The following ANKS6 variants were observed in gnomAD, a reference collection of about 807,000 sequenced individuals.
The protein encoded by ANKS6 is ankyrin repeat and SAM domain-containing protein 6.
In ANKS6, 47 loss-of-function variants were observed where a neutral mutation model predicts 77.9. The ratio of observed to expected loss-of-function variants is 0.60; its 90% CI spans 0.48 to 0.77. ANKS6 has a LOEUF of 0.77. Ranked by LOEUF, ANKS6 falls within the 30% of genes least tolerant of loss-of-function variation. The pLI is 0.00. For synonymous variants in ANKS6, 488 were observed against 501.7 expected (o/e 0.97, Z 0.37); for missense variants, 1,150 against 1,159.1 (o/e 0.99, Z 0.11).
intron 14 of ANKS6, among the ~76,000 whole-genome samples, chr9:98,741,614 A>G (rs756658703): frequency 2.6e-5 from 4 of 152,226 alleles, no homozygotes; most frequent in Non-Finnish European, 5.9e-5. Context: ...GGGCAACAAA[A>G]AGAAACAATG....
intron 14 of ANKS6, 69 bp downstream of exon 14, chr9:98,745,490 A>G (rs1832078170): frequency 6.9e-7 from 1 of 1,455,594 alleles, no homozygotes; most frequent in Admixed American, 1.7e-5. Flanking sequence ...GACCTTCCCA[A>G]GATCCCAGGA....
chr9:98,791,421 C>A lies in ANKS6; in HGVS notation c.360-815G>T, dbSNP rs1483396739. 6.6e-6 allele frequency among the ~76,000 whole-genome samples: 1 copy of A among 152,150 alleles called. No individual in the cohort carries two copies. The highest frequency in any genetic ancestry group is 1.5e-5 in the Non-Finnish European group (1 of 68,026). On this transcript the variant is annotated intron_variant, in intron 1 of 14. Transcript: ENST00000353234. This position sits in a 1 kb window ranked among gnomAD's most constrained non-coding sequence, Gnocchi z 4.3. Reference sequence around the variant, plus strand: ...CTTCCTCAATGAAGTCACTGCTGGGCCCCTGAAGAGAAAGATCTGCACCCA... The same window carrying A: ...CTTCCTCAATGAAGTCACTGCTGGGACCCTGAAGAGAAAGATCTGCACCCA...
In ANKS6 at chr9:98,790,576, C is replaced by T; in HGVS notation, c.390G>A (p.Leu130=). The T allele has an allele frequency of 6.2e-7, 1 of 1,607,250 alleles. No homozygotes were observed. ...RFGHVSVAHL[L]LDHGADVNAQ... ...CATTGACATCAGCCCCGTGATCCAA[C>T]AGGAGGTGTGCCACACTCACATGCC... Residue 130 remains leucine, a synonymous_variant, in exon 2 of 15, where the codon CTG becomes CTA. Transcript: ENST00000353234.
In ANKS6 at chr9:98,733,224, T is replaced by C. The variant is rs115467611; in HGVS notation, c.*3295A>G. On this transcript the variant is annotated 3_prime_UTR_variant, in exon 15 of 15. Coordinates refer to ENST00000353234, the MANE Select transcript of ANKS6 (RefSeq NM_173551.5). ...AACAAAAGAATTAAAAAATAAACAA[T>C]CTCCTCACAAAACCAGCTGGCCTCC... 1.8e-3 allele frequency: 1,777 copies of C among 985,272 alleles called. 29 individuals are homozygous for C. The African/African-American group carries it at 0.028, about 16-fold the overall frequency. The allele number at this position is 985,272 out of a possible 1,614,324, so 61.0% of individuals were successfully genotyped here. A position where few individuals can be genotyped will look rare whatever the true frequency, so the allele number is the denominator to read the frequency against.
In ANKS6 at chr9:98,790,600, C is replaced by G; in HGVS notation, c.366G>C (p.Gly122=). 1 of 1,595,640 alleles carries G rather than the reference C, an allele frequency of 6.3e-7. No homozygotes were observed. The highest frequency in any genetic ancestry group is 8.6e-7 in the Non-Finnish European group (1 of 1,165,298). The change falls in exon 2 of 15, where the codon GGG becomes GGC. Residue 122 remains glycine, a synonymous_variant. Transcript: ENST00000353234. ...ACAGGAGGTGTGCCACACTCACATG[C>G]CCAAATCTGCCAGGAAGATGGAGAA... is the stretch of plus-strand genomic sequence containing the variant. ...WSALMQAARF[G]HVSVAHLLLD...
In ANKS6 at chr9:98,734,681, C is replaced by T; in HGVS notation, c.*1838G>A. 1.1e-6 allele frequency: 1 copy of T among 931,304 alleles called. No individual in the cohort carries two copies. Among genetic ancestry groups the T allele is most frequent in the Non-Finnish European group, 1.3e-6 (1 of 780,704 alleles). 57.7% of individuals were successfully genotyped at this position (931,304 alleles called of 1,614,324 possible). On this transcript the variant is annotated 3_prime_UTR_variant, in exon 15 of 15. Transcript: ENST00000353234. ...TGGCAAGCTGCTTCCCTCTCCTAAGCATCCGTTTCCCGAATGTGCAAGATG... is the reference window on the plus strand; with the variant it reads ...TGGCAAGCTGCTTCCCTCTCCTAAGTATCCGTTTCCCGAATGTGCAAGATG...
intron 14 of ANKS6, among the ~76,000 whole-genome samples, chr9:98,737,193 C>T (rs527807395): frequency 6.6e-6 from 1 of 152,278 alleles, no homozygotes; most frequent in South Asian, 2.1e-4. Context: ...CAGAAAACAT[C>T]ATCACTGCAT....
In ANKS6 at chr9:98,735,361, T is replaced by C; in HGVS notation, c.*1158A>G. 9.4e-7 allele frequency: 1 copy of C among 1,062,042 alleles called. No homozygotes were observed. The highest frequency in any genetic ancestry group is 1.1e-6 in the Non-Finnish European group (1 of 881,104). 65.8% of individuals were successfully genotyped at this position (1,062,042 alleles called of 1,614,324 possible). The stretch of plus-strand genomic sequence containing the variant: ...CACACTTGGCACCTGGTAGCTAACA[T>C]AAATGCAACAAGCACTGGCTGAATG... On this transcript the variant is annotated 3_prime_UTR_variant, in exon 15 of 15. Transcript: ENST00000353234.
intron 12 of ANKS6, among the ~76,000 whole-genome samples, chr9:98,753,325 C>G (rs1039001899): frequency 6.6e-6 from 1 of 152,138 alleles, no homozygotes; most frequent in Non-Finnish European, 1.5e-5. Flanking sequence ...CAAAGACTTA[C>G]GTTGGAACTT....
intron 6 of ANKS6, among the ~76,000 whole-genome samples, chr9:98,779,951 C>T (rs1012749859): frequency 5.3e-5 from 8 of 152,078 alleles, no homozygotes; most frequent in Admixed American, 1.3e-4. Context: ...CGTGAGCCAC[C>T]GTGCCCGGCC....
chr9:98,784,853 T>C lies in ANKS6; in HGVS notation c.886A>G (p.Ile296Val), dbSNP rs755996865. 19 of 1,613,468 alleles carry C rather than the reference T, an allele frequency of 1.2e-5. No individual in the cohort carries two copies. The highest frequency in any genetic ancestry group is 2.2e-5 in the East Asian group (1 of 44,888). ...TTACCCATTTTCAATGCATGGAAAA[T>C]ATCAGGTCGCCTTTTCTCCTCATCT... ...KTDEEKRRPDIFHALKMGNFQ... is the reference protein window; with the variant it reads ...KTDEEKRRPDVFHALKMGNFQ... Residue 296 changes from isoleucine to valine, a missense_variant, in exon 3 of 15, where the codon ATT becomes GTT. Physicochemically the swap from Ile to Val is conservative, Grantham distance 29. Coordinates refer to ENST00000353234, the MANE Select transcript of ANKS6 (RefSeq NM_173551.5).
chr9:98,739,836 G>C (rs918984816), intron 14 of ANKS6, among the ~76,000 whole-genome samples: 3 of 126,330 alleles, frequency 2.4e-5, no homozygotes, highest in African/African-American at 9.5e-5. Context: ...CTCACTGCAG[G>C]CTCCGCCCCC....
chr9:98,778,075 G>A (rs1834010849), intron 7 of ANKS6, 151 bp downstream of exon 7: 1 of 947,072 alleles, frequency 1.1e-6, no homozygotes, highest in Admixed American at 2.9e-5. Context: ...CCCTGCCTAA[G>A]TATCTTTTCC....
chr9:98,734,064 G>A lies in ANKS6; in HGVS notation c.*2455C>T, dbSNP rs439347. 0.029 allele frequency: 28,364 copies of A among 985,258 alleles called. 879 individuals are homozygous for A. The highest frequency in any genetic ancestry group is 0.26 in the East Asian group (2,258 of 8,748). 61.0% of individuals were successfully genotyped at this position (985,258 alleles called of 1,614,324 possible). On this transcript the variant is annotated 3_prime_UTR_variant, in exon 15 of 15. Coordinates refer to ENST00000353234, the MANE Select transcript of ANKS6 (RefSeq NM_173551.5). Reference sequence around the variant, plus strand: ...TGACGATCTATAACCTACATGTTCCGTGCTGCCTCCACACATGCCCCCGCT... The same window carrying A: ...TGACGATCTATAACCTACATGTTCCATGCTGCCTCCACACATGCCCCCGCT...
chr9:98,783,781 G>C, intron 4 of ANKS6, 172 bp downstream of exon 4: 1 of 495,808 alleles, frequency 2.0e-6, no homozygotes, highest in Non-Finnish European at 3.2e-6. Context: ...CAGAAGGGTG[G>C]GACTAAAATG....
chr9:98,775,354 A>G (rs949969176), intron 8 of ANKS6, among the ~76,000 whole-genome samples: 2 of 152,226 alleles, frequency 1.3e-5, no homozygotes, highest in Non-Finnish European at 2.9e-5. Flanking sequence ...ATAACAAAAA[A>G]CTAGAAATCC....
At chr9:98,745,242 A>G (rs1036656730) in intron 14 of ANKS6, among the ~76,000 whole-genome samples, 3 of 152,192 alleles carry the variant, frequency 2.0e-5, no homozygotes, top group Admixed American at 6.5e-5. Context: ...ACAGTGAATA[A>G]GTGAAGGAGC....
rs1412587503 is a variant in ANKS6 at position 98,732,884 on chromosome 9, C to T, written c.*3635G>A. The stretch of plus-strand genomic sequence containing the variant: ...ACCCTTCCTCCCTGACGATCTAGAA[C>T]TTACACATTACGTGCTGCCTTTGCA... On this transcript the variant is annotated 3_prime_UTR_variant, in exon 15 of 15. Transcript: ENST00000353234. The T allele has an allele frequency of 4.4e-6, 5 of 1,134,056 alleles. No homozygotes were observed. The South Asian group carries it at 7.6e-5, about 17-fold the overall frequency. The allele number at this position is 1,134,056 out of a possible 1,614,324, so 70.2% of individuals were successfully genotyped here.
intron 1 of ANKS6, among the ~76,000 whole-genome samples, chr9:98,793,517 G>C (rs1564233080): frequency 6.6e-6 from 1 of 152,014 alleles, no homozygotes; most frequent in African/African-American, 2.4e-5. Flanking sequence ...GTTGTTTTTT[G>C]TTTTGTTTTG....
Sources: allele counts gnomAD v4.1 joint callset (sites outside exome capture counted in the v4.1 genomes callset), GRCh38; gene constraint gnomAD v4.1.1; non-coding constraint Gnocchi (gnomAD v3.1); transcripts MANE v1.5; gene names NCBI Gene and HGNC (gene_info 2026-07-23, HGNC 2026-07-21).